The following LRP2 variants were observed in gnomAD, a reference collection of about 807,000 sequenced individuals.
The protein encoded by LRP2 is LDL receptor related protein 2, also known as low-density lipoprotein receptor-related protein 2.
LRP2 carries 172 observed loss-of-function variants against 531.0 expected under a neutral mutation model. The ratio of observed to expected loss-of-function variants is 0.32; its 90% confidence interval spans 0.29 to 0.37. LRP2 has a LOEUF of 0.37. Ranked by LOEUF, LRP2 falls within the 10% of genes least tolerant of loss-of-function variation. The probability of loss-of-function intolerance (pLI) is 1.00; values close to 1 mark genes in which losing one functional copy is unlikely to be tolerated. For missense variants in LRP2, 5,167 were observed against 5,868.3 expected, an observed-to-expected ratio of 0.88 and a Z score of 3.90; for synonymous variants, 1,992 against 2,027.6, an observed-to-expected ratio of 0.98 and a Z score of 0.47.
At chr2:169,152,991 T>C (rs776993865) in intron 66 of LRP2, 27 bp from the exon 67 acceptor site, 2 of 1,611,248 alleles carry the variant, frequency 1.2e-6, no homozygotes, top group South Asian at 2.2e-5. Flanking sequence ...ACAGGTCAGT[T>C]TCATGTCAAG....
In LRP2 at chr2:169,246,721, T is replaced by C. The variant is rs1418808893; in HGVS notation, c.3174A>G (p.Gln1058=). The change falls in exon 21 of 79, where the codon CAA becomes CAG. Residue 1058 remains glutamine (Q), a synonymous_variant. Coordinates refer to ENST00000649046, the MANE Select transcript of LRP2 (RefSeq NM_004525.3). ...GCTACTTACTAAGTGTGCCACATAG[T>C]TGCTCATCACTGTTATCATGACAAT... The part of the protein sequence containing the change: ...VDDCHDNSDE[Q]LCGTLNNTCS... 6 of 1,614,104 alleles carry C rather than the reference T, an allele frequency of 3.7e-6. No individual in the cohort carries two copies. Among genetic ancestry groups the C allele is most frequent in the Non-Finnish European group, 5.1e-6 (6 of 1,180,050 alleles).
At chr2:169,227,160 A>G (rs561840217) in intron 31 of LRP2, among the ~76,000 whole-genome samples, 2 of 152,278 alleles carry the variant, frequency 1.3e-5, no homozygotes, top group African/African-American at 4.8e-5. Flanking sequence ...CTTCCCTATA[A>G]GATTTTAACT....
chr2:169,177,549 AG>A (rs780755791), intron 53 of LRP2, among the ~76,000 whole-genome samples: 154 of 152,086 alleles, frequency 1.0e-3, no homozygotes, highest in Non-Finnish European at 1.7e-3. Flanking sequence ...TCAAAAACAA[AG>A]GAAAAAAAAA....
chr2:169,195,134 G>GA (rs1367838800), intron 46 of LRP2, among the ~76,000 whole-genome samples: 1 of 152,108 alleles, frequency 6.6e-6, no homozygotes, highest in Admixed American at 6.6e-5. Flanking sequence ...TTTTCATAGT[G>GA]AAAAAATGGA....
At chr2:169,170,925 T>TG (rs1179119767) in intron 58 of LRP2, among the ~76,000 whole-genome samples, 5 of 144,288 alleles carry the variant, frequency 3.5e-5, no homozygotes, top group African/African-American at 1.3e-4. Flanking sequence ...CTCTCTGTTT[T>TG]TTTTTTTTTT....
At chr2:169,350,332 T>C in intron 1 of LRP2, among the ~76,000 whole-genome samples, 1 of 151,914 alleles carries the variant, frequency 6.6e-6, no homozygotes, top group East Asian at 1.9e-4. Flanking sequence ...AAATGAGCAG[T>C]TGGATATGTG....
chr2:169,169,891 T>C (rs1686933068), intron 59 of LRP2, 73 bp from the exon 60 acceptor site: 1 of 1,011,208 alleles, frequency 9.9e-7, no homozygotes, highest in Admixed American at 1.7e-5. Context: ...TGGAGTATAG[T>C]GGTTACTCCA....
chr2:169,216,537 T>C lies in LRP2; in HGVS notation c.5649-107A>G. ...TGTCCTCAAGATGCTCACAATACAA[T>C]GGGCAAAGGCTGAAAATCAATATCT... is the stretch of plus-strand genomic sequence containing the variant. On this transcript the variant is annotated intron_variant, in intron 34 of 78. Transcript: ENST00000649046. 17 of 1,077,686 alleles carry C rather than the reference T, an allele frequency of 1.6e-5. 1 individual carries two copies. In the South Asian group the frequency reaches 2.3e-4, roughly 15 times the overall value. The allele number at this position is 1,077,686 out of a possible 1,614,324, so 66.8% of individuals were successfully genotyped here.
At chr2:169,134,123 G>A (rs533160407) in intron 76 of LRP2, among the ~76,000 whole-genome samples, 244 of 152,236 alleles carry the variant, frequency 1.6e-3, no homozygotes, top group African/African-American at 5.4e-3. Flanking sequence ...AGCCGGGACC[G>A]TGCCCTGTAG....
intron 28 of LRP2, among the ~76,000 whole-genome samples, 191 bp downstream of exon 28, chr2:169,236,912 G>A (rs541140505): frequency 1.3e-5 from 2 of 152,272 alleles, no homozygotes; most frequent in South Asian, 4.1e-4. Context: ...TTGCTCTTAT[G>A]TACTTTATGA....
At chr2:169,175,462 C>T in intron 54 of LRP2, 73 bp from the exon 55 acceptor site, 1 of 1,400,078 alleles carries the variant, frequency 7.1e-7, no homozygotes, top group Non-Finnish European at 1.0e-6. Flanking sequence ...AAGAAGTCAA[C>T]ACTGAATTCC....
intron 61 of LRP2, 69 bp from the exon 62 acceptor site, chr2:169,166,123 C>A: frequency 1.3e-6 from 2 of 1,537,838 alleles, no homozygotes; most frequent in Admixed American, 3.4e-5. Flanking sequence ...ATCTAAAATA[C>A]TCCAGTGTCA....
intron 9 of LRP2, among the ~76,000 whole-genome samples, chr2:169,285,961 C>T (rs1415812284): frequency 6.6e-6 from 1 of 152,114 alleles, no homozygotes; most frequent in Non-Finnish European, 1.5e-5. Flanking sequence ...ATGCGTCAGC[C>T]ATGCAGAGGG....
At position 169,246,689 on chromosome 2, in the gene LRP2, G is replaced by C; in HGVS notation, c.3190+16C>G. The C allele has an allele frequency of 6.2e-7, 1 of 1,613,994 alleles. No homozygotes were observed. Among genetic ancestry groups the C allele is most frequent in the Non-Finnish European group, 8.5e-7 (1 of 1,179,884 alleles). On this transcript the variant is annotated intron_variant, in intron 21 of 78. Transcript: ENST00000649046. ...CTATTCATCCCAGGAAATATCGCCAGTGCATAGCTACTTACTAAGTGTGCC... is the reference window on the plus strand; with the variant it reads ...CTATTCATCCCAGGAAATATCGCCACTGCATAGCTACTTACTAAGTGTGCC...
intron 46 of LRP2, 142 bp from the exon 47 acceptor site, chr2:169,194,034 A>G: frequency 1.1e-6 from 1 of 879,064 alleles, no homozygotes; most frequent in Non-Finnish European, 1.8e-6. Flanking sequence ...TAGTCCTCCA[A>G]TAAGACTAGT....
chr2:169,356,404 A>G (rs1477027460), intron 1 of LRP2, among the ~76,000 whole-genome samples: 1 of 152,250 alleles, frequency 6.6e-6, no homozygotes, highest in Non-Finnish European at 1.5e-5. Flanking sequence ...GTTTGGAAAA[A>G]GTAAAATTCT....
chr2:169,310,106 G>A (rs957014447), intron 3 of LRP2, among the ~76,000 whole-genome samples: 5 of 152,294 alleles, frequency 3.3e-5, no homozygotes, highest in African/African-American at 7.2e-5. Flanking sequence ...TTGCTTATCA[G>A]CTTAAGGAGA....
intron 62 of LRP2, among the ~76,000 whole-genome samples, chr2:169,164,455 T>C (rs1000245365): frequency 2.0e-4 from 30 of 152,234 alleles, no homozygotes; most frequent in African/African-American, 7.2e-4. Flanking sequence ...TGTATGAGAA[T>C]GCATATTCTT....
At position 169,233,531 on chromosome 2, in the gene LRP2, G is replaced by A. The variant is rs368961037; in HGVS notation, c.4978C>T (p.Arg1660Cys). The stretch of plus-strand genomic sequence containing the variant: ...GCTCGCATAACCCGACGAGTAGCAC[G>A]GTCAGTCCAGTACACAGAGTCTTCA... ...LFEDSVYWTD[R>C]ATRRVMRANK... is the part of the protein sequence containing the mutation. Residue 1660 changes from arginine (R) to cysteine (C), a missense_variant, in exon 30 of 79, where the codon CGT (arginine) becomes TGT (cysteine). Transcript: ENST00000649046. 4 of 1,614,082 alleles carry A rather than the reference G, an allele frequency of 2.5e-6. No homozygotes were observed. Among genetic ancestry groups the A allele is most frequent in the Non-Finnish European group, 2.5e-6 (3 of 1,180,034 alleles).
Sources: gnomAD v4.1 joint callset for allele counts (sites outside exome capture counted in the v4.1 genomes callset) on GRCh38, gnomAD v4.1.1 for gene constraint, MANE v1.5 for transcripts, NCBI Gene and HGNC (gene_info 2026-07-23, HGNC 2026-07-21) for gene names.